The following CD99 variants were observed in gnomAD, a reference collection of about 807,000 sequenced individuals.
The protein encoded by CD99 is CD99 antigen.
Under a neutral mutation model 28.4 loss-of-function variants are expected in CD99, and 19 were observed. The observed-to-expected ratio is 0.67, with a 90% CI of 0.47 to 0.98. CD99 has a LOEUF of 0.98. CD99 is among the 50% of genes least tolerant of loss of function. The probability of loss-of-function intolerance (pLI) is 0.00; values close to 1 mark genes in which losing one functional copy is unlikely to be tolerated. For missense variants in CD99, 283 were observed against 248.8 expected (o/e 1.14, Z -0.92); for synonymous variants, 103 against 92.1 (o/e 1.12, Z -0.67).
chrX:2,696,301 G>A (rs761897966), intron 1 of CD99, among the ~76,000 whole-genome samples: 2 of 152,364 alleles, frequency 1.3e-5, no homozygotes, highest in South Asian at 4.1e-4. Flanking sequence ...AGTTGGGGAG[G>A]TGGGGTTCGG....
chrX:2,734,434 G>A (rs2049829807), intron 8 of CD99, among the ~76,000 whole-genome samples: 1 of 151,748 alleles, frequency 6.6e-6, no homozygotes, highest in South Asian at 2.1e-4. Flanking sequence ...AGCCTCCCGA[G>A]TAGCTGGGAC....
chrX:2,717,682 G>A (rs199527530), intron 3 of CD99, 30 bp downstream of exon 3: 1 of 1,599,658 alleles, frequency 6.3e-7, no homozygotes, highest in Non-Finnish European at 8.6e-7. Context: ...AGTATGCAAA[G>A]AAAAAGAGCA....
intron 3 of CD99, chrX:2,717,934 TCC>T (rs2048808313): frequency 1.1e-5 from 4 of 360,412 alleles, no homozygotes. Context: ...TAGATTTTCT[TCC>T]CTTTTTTTTT....
At chrX:2,723,185 C>T in intron 6 of CD99, 129 bp from the exon 7 acceptor site, 1 of 930,174 alleles carries the variant, frequency 1.1e-6, no homozygotes, top group Non-Finnish European at 1.8e-6. Context: ...AGGACCCCAG[C>T]TCTGTAGCTG....
rs941228123 is a variant in CD99, at chrX:2,723,975, AAAG to A, written c.361+615_361+617del. ...GAAGAAAAAAGGGAAGGAGGGAAGG[AAAG>A]AAGGAAGGAGGGATGGAGAGAAGGA... On this transcript the variant is annotated intron_variant, in intron 7 of 9. Transcript: ENST00000381192. Among the ~76,000 whole-genome samples the A allele has an allele frequency of 7.9e-5, 11 of 139,824 alleles. No homozygotes were observed. The South Asian group carries it at 1.5e-3, about 19-fold the overall frequency. 91.7% of individuals were successfully genotyped at this position (139,824 alleles called of 152,430 possible).
chrX:2,727,277 A>C, intron 8 of CD99: 1 of 778,598 alleles, frequency 1.3e-6, no homozygotes, highest in African/African-American at 1.7e-5. Context: ...CGTACTCACC[A>C]TTGCAATCCT....
chrX:2,698,185 CTTTT>C (rs749180860), intron 1 of CD99, among the ~76,000 whole-genome samples: 1 of 134,810 alleles, frequency 7.4e-6, no homozygotes, highest in Non-Finnish European at 1.6e-5. Context: ...TTCTTTGTTT[CTTTT>C]TTTTTTTTTT....
chrX:2,703,079 A>G (rs311044), intron 1 of CD99, among the ~76,000 whole-genome samples: 92,462 of 151,982 alleles, frequency 0.61, 28,616 homozygotes, highest in African/African-American at 0.72. Flanking sequence ...GTGAGCCACC[A>G]CACCTGGCCA....
At chrX:2,738,359 G>A in intron 9 of CD99, 103 bp downstream of exon 9, 1 of 1,139,272 alleles carries the variant, frequency 8.8e-7, no homozygotes, top group Non-Finnish European at 1.3e-6. Flanking sequence ...TCTCAAATTT[G>A]GTTGCATGGC....
intron 7 of CD99, among the ~76,000 whole-genome samples, chrX:2,725,841 GACCTCAGGCGATTC>G (rs1409922542): frequency 3.9e-5 from 6 of 152,116 alleles, no homozygotes; most frequent in Non-Finnish European, 8.8e-5. Context: ...TCAAACTCCT[GACCTCAGGCGATTC>G]ACCTGCCTCG....
chrX:2,723,509 C>T, intron 7 of CD99, 145 bp downstream of exon 7: 2 of 899,100 alleles, frequency 2.2e-6, no homozygotes, highest in Non-Finnish European at 3.7e-6. Flanking sequence ...GCCAAGTGCT[C>T]CCAAGTGATG....
chrX:2,739,825 C>T (rs2050114831), intron 9 of CD99, among the ~76,000 whole-genome samples: 2 of 149,920 alleles, frequency 1.3e-5, no homozygotes, highest in Non-Finnish European at 3.0e-5. Context: ...CCTGTAGTCC[C>T]AGCACTTTGG....
intron 8 of CD99, 102 bp downstream of exon 8, chrX:2,726,475 G>T (rs312191): frequency 0.14 from 110,470 of 773,308 alleles, 9,542 homozygotes; most frequent in African/African-American, 0.2. Context: ...CACGAAACAG[G>T]TGCACGATGG....
intron 1 of CD99, among the ~76,000 whole-genome samples, chrX:2,703,858 G>A (rs368031400): frequency 2.0e-5 from 3 of 152,036 alleles, no homozygotes; most frequent in Non-Finnish European, 4.4e-5. Context: ...GTTAGCCTTG[G>A]GGGGTGATCA....
At chrX:2,714,477 A>T in intron 2 of CD99, 23 bp downstream of exon 2, 1 of 1,579,764 alleles carries the variant, frequency 6.3e-7, no homozygotes, top group Non-Finnish European at 8.7e-7. Context: ...ATCATTTTTT[A>T]AAATCCCGTC....
chrX:2,701,771 A>AGGC (rs2047875437), intron 1 of CD99, among the ~76,000 whole-genome samples: 1 of 152,226 alleles, frequency 6.6e-6, no homozygotes, highest in Non-Finnish European at 1.5e-5. Context: ...AACCTGCCTA[A>AGGC]GGCCCGTCTT....
At chrX:2,723,584 T>C (rs772982377) in intron 7 of CD99, 1 of 628,152 alleles carries the variant, frequency 1.6e-6, no homozygotes, top group East Asian at 2.7e-5. Flanking sequence ...GGATTTTATG[T>C]TTGGTCACCT....
chrX:2,703,155 G>A (rs1004891559), intron 1 of CD99, among the ~76,000 whole-genome samples: 4 of 152,084 alleles, frequency 2.6e-5, no homozygotes, highest in African/African-American at 7.2e-5. Context: ...CTGCCTTCTC[G>A]GGCCAGCGCG....
At chrX:2,703,893 C>G (rs1172148494) in intron 1 of CD99, among the ~76,000 whole-genome samples, 1 of 152,016 alleles carries the variant, frequency 6.6e-6, no homozygotes, top group Non-Finnish European at 1.5e-5. Flanking sequence ...GGGATGGGAT[C>G]TGGGCTGGCA....
Sources: gnomAD v4.1 joint callset for allele counts (sites outside exome capture counted in the v4.1 genomes callset) on GRCh38, gnomAD v4.1.1 for gene constraint, MANE v1.5 for transcripts, NCBI Gene and HGNC (gene_info 2026-07-23, HGNC 2026-07-21) for gene names.